The following OR9Q1 variants were observed in gnomAD, a reference collection of about 807,000 sequenced individuals.
The protein encoded by OR9Q1 is olfactory receptor family 9 subfamily Q member 1.
For synonymous variants in OR9Q1, 153 were observed against 148.6 expected, an observed-to-expected ratio of 1.03 and a Z score of -0.22; for missense variants, 374 against 378.8, an observed-to-expected ratio of 0.99 and a Z score of 0.11.
At position 58,053,634 on chromosome 11, in the gene OR9Q1, A is replaced by ATATAT. The variant is rs1565062186; in HGVS notation, c.-92-2235_-92-2231dup. Among the ~76,000 whole-genome samples, 148 of 144,662 alleles carry ATATAT rather than the reference A, an allele frequency of 1.0e-3. 1 individual carries two copies. The highest frequency in any genetic ancestry group is 2.7e-3 in the African/African-American group (106 of 39,828). 94.9% of individuals were successfully genotyped at this position (144,662 alleles called of 152,430 possible). A position where few individuals can be genotyped will look rare whatever the true frequency, so the allele number is the denominator to read the frequency against. On this transcript the variant is annotated intron_variant, in intron 1 of 2. Coordinates refer to ENST00000335397, the MANE Select transcript of OR9Q1 (RefSeq NM_001005212.4). ...AAAAATATATATATATATAAAATAT[A>ATATAT]TATATATATAAATTATATATATATA...
At chr11:58,105,253 A>G (rs2120095392) in intron 2 of OR9Q1, among the ~76,000 whole-genome samples, 1 of 152,306 alleles carries the variant, frequency 6.6e-6, no homozygotes, top group African/African-American at 2.4e-5. Flanking sequence ...TTACTCAACC[A>G]TTTGAGTTGC....
rs759571152 is a variant in OR9Q1, at chr11:58,031,236, A to C, written c.-93+7132A>C. The stretch of plus-strand genomic sequence containing the variant: ...TTTATTGGGGTGGATGGTGGCAAGA[A>C]TATCTCTTATGCTGATTGCCTATCC... On this transcript the variant is annotated intron_variant, in intron 1 of 2. Transcript: ENST00000335397. The C allele has an allele frequency of 1.9e-6, 3 of 1,614,050 alleles. No individual in the cohort carries two copies. The East Asian group carries it at 6.7e-5, about 36-fold the overall frequency.
chr11:58,085,468 G>T (rs1590580058), intron 2 of OR9Q1, among the ~76,000 whole-genome samples: 1 of 151,508 alleles, frequency 6.6e-6, no homozygotes, highest in South Asian at 2.1e-4. Context: ...CATATTTTAA[G>T]TTGTAGCCAC....
At chr11:58,154,727 T>C in intron 2 of OR9Q1, among the ~76,000 whole-genome samples, 1 of 152,214 alleles carries the variant, frequency 6.6e-6, no homozygotes, top group East Asian at 1.9e-4. Flanking sequence ...CATTAATGTG[T>C]ACAATTATTA....
chr11:58,065,465 G>A (rs1044133645), intron 2 of OR9Q1, among the ~76,000 whole-genome samples: 1 of 152,176 alleles, frequency 6.6e-6, no homozygotes, highest in Non-Finnish European at 1.5e-5. Context: ...TAGGAGTCTA[G>A]CTAAATACTT....
In OR9Q1 at chr11:58,176,911, CT is replaced by C. The variant is rs541641982; in HGVS notation, c.-14-2516del. Among the ~76,000 whole-genome samples the C allele has an allele frequency of 9.9e-5, 15 of 152,196 alleles. No individual in the cohort carries two copies. The South Asian group carries it at 2.1e-3, about 21-fold the overall frequency. On this transcript the variant is annotated intron_variant, in intron 2 of 2. Transcript: ENST00000335397. ...CTCCAAGCAGTGGGTGAGAAATGAC[CT>C]TTTAGACATTAAGGAAAAATAGTGG... is the stretch of plus-strand genomic sequence containing the variant.
At chr11:58,140,886 C>T (rs1854241459) in intron 2 of OR9Q1, among the ~76,000 whole-genome samples, 1 of 152,178 alleles carries the variant, frequency 6.6e-6, no homozygotes, top group Non-Finnish European at 1.5e-5. Context: ...GCAGTATGGC[C>T]ATTTTCACGA....
chr11:58,143,293 T>A (rs1161732914), intron 2 of OR9Q1, among the ~76,000 whole-genome samples: 1 of 152,236 alleles, frequency 6.6e-6, no homozygotes. Context: ...AGAAGGAGGC[T>A]GAAATTCAGA....
At chr11:58,028,086 C>T (rs1018467225) in intron 1 of OR9Q1, among the ~76,000 whole-genome samples, 10 of 149,860 alleles carry the variant, frequency 6.7e-5, no homozygotes, top group Non-Finnish European at 1.2e-4. Context: ...GGAGAATCTG[C>T]TCTGTGCCAG....
chr11:58,053,645 A>AATTATATATAT (rs1565062213), intron 1 of OR9Q1, among the ~76,000 whole-genome samples: 63 of 139,390 alleles, frequency 4.5e-4, no homozygotes, highest in African/African-American at 1.0e-3. Flanking sequence ...TATATATATA[A>AATTATATATAT]ATTATATATA....
intron 1 of OR9Q1, among the ~76,000 whole-genome samples, chr11:58,037,541 A>G (rs1447895154): frequency 2.0e-5 from 3 of 150,950 alleles, no homozygotes; most frequent in African/African-American, 7.3e-5. Context: ...TGTAGCAGAA[A>G]AAATTCAAAT....
chr11:58,122,928 T>A (rs1472704542), intron 2 of OR9Q1, among the ~76,000 whole-genome samples: 1 of 151,994 alleles, frequency 6.6e-6, no homozygotes, highest in Non-Finnish European at 1.5e-5. Flanking sequence ...ACACCGTATT[T>A]TTGTGATTTG....
intron 2 of OR9Q1, among the ~76,000 whole-genome samples, chr11:58,085,295 G>A (rs1274934921): frequency 3.3e-5 from 5 of 151,716 alleles, no homozygotes; most frequent in Non-Finnish European, 7.4e-5. Flanking sequence ...TGATGAGTTT[G>A]ACATATACAT....
At chr11:58,113,688 G>A (rs1373607376) in intron 2 of OR9Q1, among the ~76,000 whole-genome samples, 2 of 152,174 alleles carry the variant, frequency 1.3e-5, no homozygotes, top group Non-Finnish European at 2.9e-5. Flanking sequence ...ATTGTCCCCT[G>A]CACTTGACAT....
intron 1 of OR9Q1, chr11:58,026,700 A>G (rs1457900716): frequency 6.6e-6 from 1 of 151,534 alleles, no homozygotes; most frequent in Non-Finnish European, 1.5e-5. Context: ...AAAAAAAAAA[A>G]AAAAAAAAGA....
intron 1 of OR9Q1, among the ~76,000 whole-genome samples, chr11:58,028,545 G>A (rs983244477): frequency 6.6e-6 from 1 of 152,120 alleles, no homozygotes; most frequent in Non-Finnish European, 1.5e-5. Context: ...CTGTGAAACT[G>A]TCTAACACCG....
intron 2 of OR9Q1, among the ~76,000 whole-genome samples, chr11:58,128,081 A>G (rs1228838121): frequency 1.3e-5 from 2 of 152,144 alleles, no homozygotes; most frequent in African/African-American, 4.8e-5. Flanking sequence ...GAATATCTAG[A>G]AGAATGTATA....
At chr11:58,039,617 T>A (rs186850632) in intron 1 of OR9Q1, among the ~76,000 whole-genome samples, 25 of 152,304 alleles carry the variant, frequency 1.6e-4, no homozygotes, top group Admixed American at 3.3e-4. Flanking sequence ...GCATAGGTGG[T>A]CACTTCACTG....
chr11:58,145,445 A>T (rs1282880291), intron 2 of OR9Q1: 1 of 152,216 alleles, frequency 6.6e-6, no homozygotes, highest in Non-Finnish European at 1.5e-5. Flanking sequence ...CCATCAAGCC[A>T]GAAGTTTCTG....
Sources: gnomAD v4.1 joint callset for allele counts (sites outside exome capture counted in the v4.1 genomes callset) on GRCh38, gnomAD v4.1.1 for gene constraint, MANE v1.5 for transcripts, NCBI Gene and HGNC (gene_info 2026-07-23, HGNC 2026-07-21) for gene names.